The following TRPM3 variants were observed in gnomAD, a reference collection of about 807,000 sequenced individuals.
The protein encoded by TRPM3 is transient receptor potential cation channel subfamily M member 3.
In TRPM3, 77 loss-of-function variants were observed where a neutral mutation model predicts 181.2. The ratio of observed to expected loss-of-function variants is 0.42; its 90% CI spans 0.35 to 0.51. TRPM3 has a LOEUF of 0.51. Among genes scored for constraint, TRPM3 ranks in the 20% least tolerant of loss-of-function variants. The probability of loss-of-function intolerance (pLI) is 0.01; values close to 1 mark genes in which losing one functional copy is unlikely to be tolerated. For synonymous variants in TRPM3, 745 were observed against 796.4 expected (o/e 0.94, Z 1.09); for missense variants, 1,759 against 2,196.7 (o/e 0.80, Z 3.98).
At position 70,529,192 on chromosome 9, in the gene TRPM3, T is replaced by C. The variant is rs2040527648; in HGVS notation, c.*6761A>G. ...TCTAAACAATCAAACTCAAAGTGCATTGTGAATCCAATAATAGACCTTTAA... is the reference window on the plus strand; with the variant it reads ...TCTAAACAATCAAACTCAAAGTGCACTGTGAATCCAATAATAGACCTTTAA... On this transcript the variant is annotated 3_prime_UTR_variant, in exon 26 of 26. Coordinates refer to ENST00000677713, the MANE Select transcript of TRPM3 (RefSeq NM_001366145.2). 1 of 152,146 alleles carries C rather than the reference T, an allele frequency of 6.6e-6. No individual in the cohort carries two copies. 9.4% of individuals were successfully genotyped at this position (152,146 alleles called of 1,614,324 possible).
chr9:70,854,699 G>A lies in TRPM3; in HGVS notation c.463-8108C>T, dbSNP rs537334209. Among the ~76,000 whole-genome samples the A allele has an allele frequency of 7.2e-5, 11 of 152,158 alleles. No individual in the cohort carries two copies. The East Asian group carries it at 1.6e-3, about 21-fold the overall frequency. ...TCATTTCAAGAGATAAACTGGGCTC[G>A]AATAAGTTACTCATGGCTGGAATTA... On this transcript the variant is annotated intron_variant, in intron 3 of 25. Transcript: ENST00000677713.
intron 6 of TRPM3, among the ~76,000 whole-genome samples, chr9:70,803,031 TG>T (rs372745894): frequency 1.3e-4 from 8 of 63,248 alleles, no homozygotes; most frequent in African/African-American, 3.4e-4. Flanking sequence ...GGAGAAATTT[TG>T]TAAAAAAAAA....
chr9:71,142,751 C>T (rs1369768579), intron 1 of TRPM3, among the ~76,000 whole-genome samples: 1 of 124,432 alleles, frequency 8.0e-6, no homozygotes, highest in Non-Finnish European at 1.7e-5. Flanking sequence ...TGCTTATGTG[C>T]AGATGTATTT....
chr9:71,204,010 T>G (rs533098576), intron 1 of TRPM3, among the ~76,000 whole-genome samples: 36 of 152,176 alleles, frequency 2.4e-4, no homozygotes, highest in African/African-American at 7.9e-4. Flanking sequence ...GCTAGCCATA[T>G]GTAGAAAGCT....
At chr9:70,919,632 A>C (rs2096634807) in intron 1 of TRPM3, among the ~76,000 whole-genome samples, 1 of 151,938 alleles carries the variant, frequency 6.6e-6, no homozygotes, top group Admixed American at 6.6e-5. Context: ...AAAAATACAA[A>C]AATTAGCTGG....
intron 1 of TRPM3, among the ~76,000 whole-genome samples, chr9:71,135,785 A>C (rs1215778427): frequency 6.6e-6 from 1 of 152,212 alleles, no homozygotes; most frequent in Admixed American, 6.5e-5. Context: ...CTTCAGGCAA[A>C]AAAAACCCCC....
chr9:71,334,210 C>A (rs2090406590), intron 1 of TRPM3, among the ~76,000 whole-genome samples: 1 of 151,672 alleles, frequency 6.6e-6, no homozygotes, highest in Non-Finnish European at 1.5e-5. Context: ...CTAAGTAATT[C>A]ACCAGAAAGA....
chr9:71,302,940 G>A (rs779090097), intron 1 of TRPM3, among the ~76,000 whole-genome samples: 49 of 152,222 alleles, frequency 3.2e-4, no homozygotes, highest in Non-Finnish European at 5.6e-4. Flanking sequence ...AAGATATCTC[G>A]TGGCCACAGT....
intron 1 of TRPM3, among the ~76,000 whole-genome samples, chr9:71,061,228 G>T (rs2061296074): frequency 6.6e-6 from 1 of 152,120 alleles, no homozygotes; most frequent in Non-Finnish European, 1.5e-5. Context: ...TGGCTGAAGA[G>T]GTGGACAGAG....
chr9:70,921,976 T>C (rs3010420), intron 1 of TRPM3, among the ~76,000 whole-genome samples: 21,523 of 118,084 alleles, frequency 0.18, 1,689 homozygotes, highest in African/African-American at 0.26. Context: ...CACACACACA[T>C]ATAGTTATTT....
In TRPM3 at chr9:70,585,344, G is replaced by C. The variant is rs149089961; in HGVS notation, c.3223+5687C>G. Among the ~76,000 whole-genome samples the C allele has an allele frequency of 6.1e-3, 925 of 151,916 alleles. 1 individual carries two copies. Among genetic ancestry groups the C allele is most frequent in the Non-Finnish European group, 9.5e-3 (644 of 67,972 alleles). On this transcript the variant is annotated intron_variant, in intron 22 of 25. Transcript: ENST00000677713. ...CTGGCCTTCTCTTCTCTTTCTACTT[G>C]TGCCCGCTGGTAAGCTCACCCATCA...
At chr9:71,408,887 C>A (rs189713936) in intron 1 of TRPM3, among the ~76,000 whole-genome samples, 1 of 152,150 alleles carries the variant, frequency 6.6e-6, no homozygotes, top group Admixed American at 6.5e-5. Context: ...GGAAGCCCAT[C>A]GGACTAGCAG....
intron 1 of TRPM3, among the ~76,000 whole-genome samples, chr9:71,173,488 G>C (rs1466174375): frequency 6.6e-6 from 1 of 152,172 alleles, no homozygotes; most frequent in Non-Finnish European, 1.5e-5. Flanking sequence ...TCTTATATTT[G>C]GTGGCGATGA....
At chr9:71,332,412 T>TGTGTGTGTGTGTGTGTG (rs1565471555) in intron 1 of TRPM3, among the ~76,000 whole-genome samples, 3 of 150,466 alleles carry the variant, frequency 2.0e-5, no homozygotes, top group African/African-American at 7.4e-5. Context: ...TGTGTGTGTG[T>TGTGTGTGTGTGTGTGTG]TTCAGCACAG....
chr9:70,626,336 C>T (rs547467542), intron 12 of TRPM3, among the ~76,000 whole-genome samples: 20 of 152,234 alleles, frequency 1.3e-4, no homozygotes, highest in South Asian at 2.1e-4. Flanking sequence ...TGCGGGAGAG[C>T]GCTCTATACC....
At chr9:70,809,998 C>G (rs530011733) in intron 6 of TRPM3, 1 of 534,716 alleles carries the variant, frequency 1.9e-6, no homozygotes, top group East Asian at 5.5e-5. Context: ...ATTGAACGTC[C>G]CTTTGCCTTC....
rs2092345484 is a variant in TRPM3, at chr9:71,366,664, G to A, written c.183+79989C>T. On this transcript the variant is annotated intron_variant, in intron 1 of 24. Transcript: ENST00000357533. Reference sequence around the variant, plus strand: ...CTAATAATTTGTTTTGTAGGGCAGTGGCTCATGGGAAGAGCTTCTGTTTGT... The same window carrying A: ...CTAATAATTTGTTTTGTAGGGCAGTAGCTCATGGGAAGAGCTTCTGTTTGT... Among the ~76,000 whole-genome samples, 5 of 152,048 alleles carry A rather than the reference G, an allele frequency of 3.3e-5. No individual in the cohort carries two copies. In the South Asian group the frequency reaches 1.0e-3, roughly 32 times the overall value.
chr9:71,002,460 C>G (rs550095550), intron 1 of TRPM3, among the ~76,000 whole-genome samples: 1 of 152,070 alleles, frequency 6.6e-6, no homozygotes, highest in Admixed American at 6.5e-5. Flanking sequence ...AATGAAAGAC[C>G]GAGTTTAATA....
intron 1 of TRPM3, chr9:70,916,902 C>A (rs976908257): frequency 8.2e-5 from 66 of 807,354 alleles, no homozygotes; most frequent in Non-Finnish European, 1.2e-4. Context: ...GATGGGGAGG[C>A]AAGTGGTTCA....
Sources: allele counts gnomAD v4.1 joint callset (sites outside exome capture counted in the v4.1 genomes callset), GRCh38; gene constraint gnomAD v4.1.1; transcripts MANE v1.5; gene names NCBI Gene and HGNC (gene_info 2026-07-23, HGNC 2026-07-21).